AFAP1: variants seen among roughly 807,000 people sequenced by gnomAD.
AFAP1 encodes the protein actin filament associated protein 1, also known as actin filament-associated protein 1.
In AFAP1, 75 loss-of-function variants were observed where a neutral mutation model predicts 93.9. That is an observed-to-expected ratio of 0.80 (90% CI 0.66 to 0.97). The LOEUF is 0.97. AFAP1 is among the 50% of genes least tolerant of loss of function. AFAP1 has a pLI of 0.00. For missense variants in AFAP1, 1,201 were observed against 1,050.8 expected (o/e 1.14, Z -1.98); for synonymous variants, 517 against 430.7 (o/e 1.20, Z -2.48).
At chr4:7,879,740 T>C (rs1717736915) in intron 1 of AFAP1, among the ~76,000 whole-genome samples, 1 of 149,218 alleles carries the variant, frequency 6.7e-6, no homozygotes, top group East Asian at 1.9e-4. Context: ...CTCTCTCTGT[T>C]GCCCAGGCTG....
chr4:7,848,860 G>A (rs1216495398), intron 4 of AFAP1, among the ~76,000 whole-genome samples: 1 of 152,106 alleles, frequency 6.6e-6, no homozygotes, highest in East Asian at 1.9e-4. Context: ...TGAAATTAAG[G>A]AACACTCCAG....
chr4:7,869,216 TGGAGGGAAGGAGG>T (rs1199786718), intron 2 of AFAP1, among the ~76,000 whole-genome samples: 1 of 133,972 alleles, frequency 7.5e-6, no homozygotes, highest in African/African-American at 2.8e-5. Flanking sequence ...GAGGGATGGA[TGGAGGGAAGGAGG>T]AAGGGGAAGG....
intron 6 of AFAP1, among the ~76,000 whole-genome samples, chr4:7,832,736 A>T (rs983962137): frequency 1.3e-5 from 2 of 152,138 alleles, no homozygotes; most frequent in Non-Finnish European, 2.9e-5. Flanking sequence ...AAAGGAAGGC[A>T]TCACATTACC....
intron 6 of AFAP1, among the ~76,000 whole-genome samples, chr4:7,827,932 T>G (rs943939336): frequency 6.6e-6 from 1 of 152,186 alleles, no homozygotes; most frequent in Non-Finnish European, 1.5e-5. Context: ...TAAAAAAAGG[T>G]TTCTTAAAAT....
chr4:7,770,769 C>G (rs572403356), intron 16 of AFAP1, among the ~76,000 whole-genome samples: 3 of 152,108 alleles, frequency 2.0e-5, no homozygotes, highest in African/African-American at 7.2e-5. Flanking sequence ...AGGACGGGGG[C>G]GGGACAGCTC....
At chr4:7,791,857 A>AC (rs2149006687) in intron 11 of AFAP1, among the ~76,000 whole-genome samples, 2 of 147,018 alleles carry the variant, frequency 1.4e-5, no homozygotes, top group South Asian at 4.2e-4. Context: ...AAAAACAAAA[A>AC]CAAAAAACAA....
At chr4:7,772,699 G>A in intron 16 of AFAP1, 121 bp downstream of exon 16, 10 of 873,446 alleles carry the variant, frequency 1.1e-5, no homozygotes, top group Non-Finnish European at 1.7e-5. Context: ...CTTCTGCTGG[G>A]CACACTAAGG....
intron 6 of AFAP1, among the ~76,000 whole-genome samples, chr4:7,836,863 G>A (rs1712366350): frequency 6.6e-6 from 1 of 150,792 alleles, no homozygotes; most frequent in Non-Finnish European, 1.5e-5. Context: ...GACTTGAAAA[G>A]GGTGAATTTA....
At chr4:7,802,691 G>A (rs1465121292) in intron 9 of AFAP1, among the ~76,000 whole-genome samples, 2 of 147,688 alleles carry the variant, frequency 1.4e-5, no homozygotes, top group Non-Finnish European at 3.0e-5. Context: ...GCCCAGGCTG[G>A]CAGGCTGGAG....
intron 9 of AFAP1, among the ~76,000 whole-genome samples, chr4:7,801,911 T>C (rs1241668497): frequency 2.4e-5 from 1 of 41,910 alleles, no homozygotes; most frequent in Non-Finnish European, 3.7e-5. Flanking sequence ...TGAGACCCTA[T>C]CACAAAAAAA....
At chr4:7,786,360 TC>T in intron 11 of AFAP1, 49 bp from the exon 12 acceptor site, 1 of 1,469,856 alleles carries the variant, frequency 6.8e-7, no homozygotes, top group South Asian at 1.1e-5. Context: ...CACCTTTTAC[TC>T]CAATCAGTCA....
chr4:7,790,253 T>G (rs940609255), intron 11 of AFAP1, among the ~76,000 whole-genome samples: 7 of 152,206 alleles, frequency 4.6e-5, no homozygotes, highest in Non-Finnish European at 1.0e-4. Flanking sequence ...AACTTGAAAA[T>G]AAGCTTTATT....
At chr4:7,890,882 A>G (rs1020961648) in intron 1 of AFAP1, among the ~76,000 whole-genome samples, 3 of 152,202 alleles carry the variant, frequency 2.0e-5, no homozygotes, top group African/African-American at 2.4e-5. Context: ...ATTTAAATGT[A>G]CACGTACCAT....
chr4:7,789,158 G>T (rs1717590234), intron 11 of AFAP1: 1 of 152,306 alleles, frequency 6.6e-6, no homozygotes, highest in Non-Finnish European at 1.5e-5. Context: ...TCCCCAAGAG[G>T]GCAGGGCCTG....
In AFAP1 at chr4:7,856,716, T is replaced by C. The variant is rs1042701933; in HGVS notation, c.226-1142A>G. Among the ~76,000 whole-genome samples, 6 of 152,176 alleles carry C rather than the reference T, an allele frequency of 3.9e-5. No homozygotes were observed. The East Asian group carries it at 5.8e-4, about 15-fold the overall frequency. On this transcript the variant is annotated intron_variant, in intron 3 of 17. Coordinates refer to ENST00000420658, the MANE Select transcript of AFAP1 (RefSeq NM_001134647.2). ...TCTTAAATGTTCCTGACGGCTCTAA[T>C]CCACCCCAGCCTCTCCCTCCTAAGA...
chr4:7,899,869 T>A (rs974183020), intron 1 of AFAP1, among the ~76,000 whole-genome samples: 5 of 151,584 alleles, frequency 3.3e-5, no homozygotes, highest in African/African-American at 4.9e-5. Flanking sequence ...AATAAATAAA[T>A]AAATAAATAA....
chr4:7,907,951 C>T (rs922444214), intron 1 of AFAP1, among the ~76,000 whole-genome samples: 8 of 152,114 alleles, frequency 5.3e-5, no homozygotes, highest in Admixed American at 5.2e-4. Context: ...TACATACACG[C>T]CTATAATCCC....
At chr4:7,818,495 G>A (rs1219278421) in intron 7 of AFAP1, among the ~76,000 whole-genome samples, 1 of 152,174 alleles carries the variant, frequency 6.6e-6, no homozygotes, top group Non-Finnish European at 1.5e-5. Context: ...TTCATGGCAG[G>A]AAGCCAGGGG....
chr4:7,771,507 G>A (rs897736842), intron 16 of AFAP1, among the ~76,000 whole-genome samples: 2 of 152,236 alleles, frequency 1.3e-5, no homozygotes, highest in Non-Finnish European at 2.9e-5. Context: ...TGTTGGATGA[G>A]TGGAATGAAT....
Sources: gnomAD v4.1 joint callset for allele counts (sites outside exome capture counted in the v4.1 genomes callset) on GRCh38, gnomAD v4.1.1 for gene constraint, MANE v1.5 for transcripts, NCBI Gene and HGNC (gene_info 2026-07-23, HGNC 2026-07-21) for gene names.